LRRTM4: variants seen among roughly 807,000 people sequenced by gnomAD.
The protein encoded by LRRTM4 is leucine-rich repeat transmembrane neuronal protein 4.
LRRTM4 carries 25 observed loss-of-function variants against 47.6 expected under a neutral mutation model. That is an observed-to-expected ratio of 0.53 (90% CI 0.38 to 0.73). The LOEUF (loss-of-function observed/expected upper bound fraction) is 0.73, where lower values mean the gene tolerates loss of function less well. LRRTM4 is among the 30% of genes least tolerant of loss of function. The pLI is 0.00. For synonymous variants in LRRTM4, 311 were observed against 269.5 expected (o/e 1.15, Z -1.51); for missense variants, 638 against 713.4 (o/e 0.89, Z 1.20).
chr2:77,294,958 A>G (rs1676930831), intron 3 of LRRTM4, among the ~76,000 whole-genome samples: 1 of 152,186 alleles, frequency 6.6e-6, no homozygotes. Flanking sequence ...ACATTAAAGC[A>G]ACATTTAAAT....
At chr2:77,359,808 C>T (rs1335759445) in intron 3 of LRRTM4, among the ~76,000 whole-genome samples, 2 of 152,132 alleles carry the variant, frequency 1.3e-5, no homozygotes, top group African/African-American at 4.8e-5. Flanking sequence ...AAGGGAGACA[C>T]AGATAAGATA....
At chr2:77,117,076 T>C (rs1031097571) in intron 3 of LRRTM4, among the ~76,000 whole-genome samples, 8 of 152,102 alleles carry the variant, frequency 5.3e-5, no homozygotes, top group African/African-American at 1.9e-4. Context: ...TTGAGTAACT[T>C]TCACTGAGCA....
At chr2:76,900,548 T>G (rs2103742621) in intron 3 of LRRTM4, among the ~76,000 whole-genome samples, 1 of 152,276 alleles carries the variant, frequency 6.6e-6, no homozygotes, top group Middle Eastern at 3.4e-3. Context: ...CCTGGTATAT[T>G]ATGGCTTTCT....
chr2:76,853,264 G>A (rs1204116822), intron 3 of LRRTM4, among the ~76,000 whole-genome samples: 1 of 152,114 alleles, frequency 6.6e-6, no homozygotes, highest in Admixed American at 6.6e-5. Context: ...GGTAAAAATT[G>A]ATTCAAGAGA....
intron 3 of LRRTM4, among the ~76,000 whole-genome samples, chr2:76,777,120 CTCTGTTTTGGTACCAGTACCAT>C (rs1363394818): frequency 2.7e-5 from 4 of 149,296 alleles, no homozygotes; most frequent in African/African-American, 9.9e-5. Flanking sequence ...TGATCTATAT[CTCTGTTTTGGTACCAGTACCAT>C]GCTGTTTTGG....
chr2:77,498,535 A>G (rs1382622248), intron 3 of LRRTM4, among the ~76,000 whole-genome samples: 1 of 151,830 alleles, frequency 6.6e-6, no homozygotes, highest in Non-Finnish European at 1.5e-5. Context: ...ATAATAGGCA[A>G]ACAAGCACAG....
intron 3 of LRRTM4, chr2:76,989,883 T>C (rs1676942868): frequency 1.3e-5 from 2 of 151,882 alleles, no homozygotes; most frequent in South Asian, 2.1e-4. Flanking sequence ...GGAGAAATGA[T>C]AGAAGCTAAT....
chr2:76,819,800 T>A, intron 3 of LRRTM4, among the ~76,000 whole-genome samples: 1 of 151,964 alleles, frequency 6.6e-6, no homozygotes, highest in Non-Finnish European at 1.5e-5. Flanking sequence ...TATTTTCATG[T>A]ACACTCATCC....
chr2:76,997,979 A>G (rs898879621), intron 3 of LRRTM4, among the ~76,000 whole-genome samples: 1 of 152,032 alleles, frequency 6.6e-6, no homozygotes, highest in Non-Finnish European at 1.5e-5. Context: ...CATCACCCCA[A>G]GATGGGACTG....
intron 3 of LRRTM4, among the ~76,000 whole-genome samples, chr2:77,109,831 TAA>T (rs1256926475): frequency 2.0e-5 from 3 of 151,348 alleles, no homozygotes; most frequent in Non-Finnish European, 2.9e-5. Context: ...AAAAATGAAA[TAA>T]GAGAACATTT....
At chr2:76,760,503 G>A (rs900745566) in intron 3 of LRRTM4, among the ~76,000 whole-genome samples, 7 of 152,214 alleles carry the variant, frequency 4.6e-5, no homozygotes, top group African/African-American at 1.2e-4. Context: ...CTGCTGGTAC[G>A]TGTAGCTTCC....
intron 3 of LRRTM4, among the ~76,000 whole-genome samples, chr2:77,276,065 A>T (rs1200187318): frequency 6.6e-6 from 1 of 152,072 alleles, no homozygotes; most frequent in Non-Finnish European, 1.5e-5. Flanking sequence ...GTAGAATCCC[A>T]AAACTAACAA....
intron 3 of LRRTM4, among the ~76,000 whole-genome samples, chr2:77,413,719 C>T (rs1674528617): frequency 6.6e-6 from 1 of 152,076 alleles, no homozygotes; most frequent in Non-Finnish European, 1.5e-5. Flanking sequence ...CTCCTCTCCT[C>T]TCTCCCCCAA....
At chr2:77,047,089 A>T (rs1679259878) in intron 3 of LRRTM4, among the ~76,000 whole-genome samples, 1 of 152,024 alleles carries the variant, frequency 6.6e-6, no homozygotes, top group African/African-American at 2.4e-5. Flanking sequence ...AGTAATCTTT[A>T]CCAGAAATTA....
intron 3 of LRRTM4, among the ~76,000 whole-genome samples, chr2:76,908,890 G>A (rs868556339): frequency 7.2e-5 from 11 of 152,190 alleles, no homozygotes; most frequent in South Asian, 2.1e-4. Context: ...GGTAGGAAGA[G>A]TCAATATTGT....
chr2:76,992,260 A>G (rs1264257127), intron 3 of LRRTM4, among the ~76,000 whole-genome samples: 1 of 151,864 alleles, frequency 6.6e-6, no homozygotes, highest in Admixed American at 6.6e-5. Context: ...ACTCCTATTC[A>G]ATATAGTACT....
intron 3 of LRRTM4, among the ~76,000 whole-genome samples, chr2:77,298,271 C>T (rs545398455): frequency 1.1e-3 from 164 of 152,346 alleles, no homozygotes; most frequent in Middle Eastern, 0.01. Flanking sequence ...AAGTCTCGCT[C>T]TGTCGCCCAG....
chr2:77,049,173 C>CA (rs1256581872), intron 3 of LRRTM4, among the ~76,000 whole-genome samples: 5,668 of 132,250 alleles, frequency 0.043, 492 homozygotes, highest in East Asian at 0.13. Context: ...CACACACACA[C>CA]CACATTTTCT....
intron 3 of LRRTM4, among the ~76,000 whole-genome samples, chr2:77,372,515 T>G (rs1400733876): frequency 6.6e-6 from 1 of 151,716 alleles, no homozygotes; most frequent in Admixed American, 6.6e-5. Context: ...ATGCCCTTAC[T>G]AATAAATCAT....
Sources: gnomAD v4.1 joint callset for allele counts (sites outside exome capture counted in the v4.1 genomes callset) on GRCh38, gnomAD v4.1.1 for gene constraint, MANE v1.5 for transcripts, NCBI Gene and HGNC (gene_info 2026-07-23, HGNC 2026-07-21) for gene names.